Variants in IFT74 observed in about 807,000 individuals in gnomAD.
The protein encoded by IFT74 is intraflagellar transport protein 74 homolog.
IFT74 carries 92 observed loss-of-function variants against 96.7 expected under a neutral mutation model. That is an observed-to-expected ratio of 0.95 (90% CI 0.80 to 1.13). The LOEUF (loss-of-function observed/expected upper bound fraction) is 1.13. Among genes scored for constraint, IFT74 ranks in the 50% most tolerant of loss-of-function variants. IFT74 has a pLI of 0.00. For missense variants in IFT74, 811 were observed against 698.2 expected (o/e 1.16, Z -1.82); for synonymous variants, 223 against 213.2 (o/e 1.05, Z -0.40).
intron 10 of IFT74, among the ~76,000 whole-genome samples, chr9:27,016,686 C>G (rs570063805): frequency 6.6e-6 from 1 of 152,240 alleles, no homozygotes; most frequent in African/African-American, 2.4e-5. Context: ...CTAAGGCTAT[C>G]AACTTCTTGT....
At chr9:27,037,480 C>T (rs545358875) in intron 13 of IFT74, among the ~76,000 whole-genome samples, 1 of 152,294 alleles carries the variant, frequency 6.6e-6, no homozygotes, top group East Asian at 1.9e-4. Context: ...TAGCTGATGA[C>T]CAGGCAGTAT....
At chr9:27,012,921 A>G (rs1376441463) in intron 10 of IFT74, among the ~76,000 whole-genome samples, 3 of 151,842 alleles carry the variant, frequency 2.0e-5, no homozygotes, top group African/African-American at 2.4e-5. Context: ...ATTTCACTGT[A>G]TTAGCCAGGA....
At chr9:26,970,193 T>A (rs1423924303) in intron 2 of IFT74, among the ~76,000 whole-genome samples, 1 of 152,188 alleles carries the variant, frequency 6.6e-6, no homozygotes, top group Non-Finnish European at 1.5e-5. Flanking sequence ...AATGACTTTT[T>A]CTTTGCAGTG....
In IFT74 at chr9:26,978,195, C is replaced by G; in HGVS notation, c.188C>G (p.Ser63Cys). The change falls in exon 3 of 20, where the codon TCT becomes TGT. Residue 63 changes from serine (S) to cysteine (C), a missense_variant. Coordinates refer to ENST00000380062, the MANE Select transcript of IFT74 (RefSeq NM_025103.4). ...CPIGTGGVLS[S>C]QIKVAHRPVT... ...ATAGGGACTGGTGGAGTTCTGTCTT[C>G]TCAAATCAAAGTTGCCCATCGCCCT... The G allele has an allele frequency of 6.2e-7, 1 of 1,613,586 alleles. No individual in the cohort carries two copies. The highest frequency in any genetic ancestry group is 1.1e-5 in the South Asian group (1 of 91,018).
rs551064607 is a variant in IFT74, at chr9:27,064,775, C to G, written c.*2039C>G. ...TTTTTATGATTTCTACTTAAGTGTT[C>G]TTGACATTTTACTGCACCCTTTTAA... On this transcript the variant is annotated 3_prime_UTR_variant, in exon 20 of 20. Transcript: ENST00000380062. 7.9e-5 allele frequency among the ~76,000 whole-genome samples: 12 copies of G among 151,900 alleles called. No homozygotes were observed. The highest frequency in any genetic ancestry group is 2.9e-4 in the African/African-American group (12 of 41,432).
intron 10 of IFT74, among the ~76,000 whole-genome samples, chr9:27,012,275 T>G (rs1028040353): frequency 9.9e-5 from 15 of 152,048 alleles, no homozygotes; most frequent in African/African-American, 3.6e-4. Context: ...CAGGCTAGAG[T>G]GCGGTGACAT....
At chr9:27,026,233 A>C (rs1195033272) in intron 12 of IFT74, among the ~76,000 whole-genome samples, 1 of 152,224 alleles carries the variant, frequency 6.6e-6, no homozygotes, top group Non-Finnish European at 1.5e-5. Flanking sequence ...AAAAAGACAA[A>C]GAAGGACATT....
chr9:27,018,596 C>G (rs980730260), intron 11 of IFT74, 51 bp from the exon 12 acceptor site: 2 of 985,116 alleles, frequency 2.0e-6, no homozygotes, highest in African/African-American at 3.2e-5. Flanking sequence ...TTAAGATAGC[C>G]TTACAATGAG....
chr9:26,947,928 T>TA (rs1825798391), intron 1 of IFT74, among the ~76,000 whole-genome samples: 1 of 152,184 alleles, frequency 6.6e-6, no homozygotes, highest in South Asian at 2.1e-4. Flanking sequence ...CCCGTGGTGC[T>TA]ACTTGCTAGT....
At chr9:26,997,638 CCTTTT>C in intron 8 of IFT74, 1 of 1,393,258 alleles carries the variant, frequency 7.2e-7, no homozygotes, top group Non-Finnish European at 9.7e-7. Flanking sequence ...CTGGCTGCTT[CCTTTT>C]CTTTAAAACG....
upstream of IFT74, chr9:26,956,248 C>T (rs1443806511): frequency 6.6e-6 from 1 of 152,232 alleles, no homozygotes; most frequent in Non-Finnish European, 1.5e-5. Flanking sequence ...CGCTGTTTTC[C>T]ACTTTTTCCA....
intron 8 of IFT74, among the ~76,000 whole-genome samples, chr9:27,001,585 CTTGT>C (rs921654650): frequency 6.6e-6 from 1 of 151,340 alleles, no homozygotes; most frequent in African/African-American, 2.4e-5. Flanking sequence ...TTTCCACATA[CTTGT>C]TTGTCTTTTG....
intron 8 of IFT74, among the ~76,000 whole-genome samples, chr9:27,004,936 CTTAAG>C (rs1480382222): frequency 1.3e-5 from 2 of 151,946 alleles, no homozygotes; most frequent in Non-Finnish European, 2.9e-5. Context: ...GTACATGTTT[CTTAAG>C]TTATTTACTT....
chr9:27,029,968 A>C (rs1830046838), intron 13 of IFT74, among the ~76,000 whole-genome samples: 1 of 152,074 alleles, frequency 6.6e-6, no homozygotes, highest in South Asian at 2.1e-4. Context: ...TAATGCAGGT[A>C]CCAGAACACC....
At chr9:27,007,560 A>T (rs1049582388) in intron 8 of IFT74, among the ~76,000 whole-genome samples, 2 of 152,222 alleles carry the variant, frequency 1.3e-5, no homozygotes. Context: ...CAACAGTGAA[A>T]CAAAAATAAA....
At chr9:26,984,988 A>G (rs935375193) in intron 6 of IFT74, among the ~76,000 whole-genome samples, 1 of 152,222 alleles carries the variant, frequency 6.6e-6, no homozygotes, top group Non-Finnish European at 1.5e-5. Flanking sequence ...TCATTTTACC[A>G]TAAAGACACA....
intron 12 of IFT74, among the ~76,000 whole-genome samples, chr9:27,021,586 T>C (rs1216585328): frequency 2.6e-5 from 4 of 152,232 alleles, no homozygotes; most frequent in African/African-American, 9.6e-5. Flanking sequence ...ATAATGATGT[T>C]GAGCATCATT....
chr9:27,043,064 G>T (rs868780192), intron 13 of IFT74, among the ~76,000 whole-genome samples: 1 of 152,294 alleles, frequency 6.6e-6, no homozygotes, highest in Middle Eastern at 3.4e-3. Flanking sequence ...TTGAGACCAT[G>T]GTTGATCATT....
intron 13 of IFT74, among the ~76,000 whole-genome samples, chr9:27,029,582 T>G (rs1453750177): frequency 6.6e-6 from 1 of 152,124 alleles, no homozygotes; most frequent in Non-Finnish European, 1.5e-5. Flanking sequence ...ACCACATCTC[T>G]ACTAAAAATA....
Sources: gnomAD v4.1 joint callset for allele counts (sites outside exome capture counted in the v4.1 genomes callset) on GRCh38, gnomAD v4.1.1 for gene constraint, MANE v1.5 for transcripts, NCBI Gene and HGNC (gene_info 2026-07-23, HGNC 2026-07-21) for gene names.